ZNF169: variants seen among roughly 807,000 people sequenced by gnomAD.
ZNF169 encodes zinc finger protein 169.
Under a neutral mutation model 12.0 loss-of-function variants are expected in ZNF169, and 11 were observed. The ratio of observed to expected loss-of-function variants is 0.92; its 90% confidence interval spans 0.58 to 1.52. The LOEUF is 1.52. Ranked by LOEUF, ZNF169 falls within the 40% of genes most tolerant of loss-of-function variation. ZNF169 has a pLI of 0.00. For missense variants in ZNF169, 722 were observed against 744.0 expected, an observed-to-expected ratio of 0.97 and a Z score of 0.34; for synonymous variants, 302 against 286.5, an observed-to-expected ratio of 1.05 and a Z score of -0.55.
Position 94,267,596 on chromosome 9 carries a change from T to C in ZNF169, c.-56+8251T>C, listed in dbSNP as rs115039930. ...ACACTTAATTGTTAAAAGCTGTTAA[T>C]AGCTCAGAAGAAAAGTTTCCTTGAC... is the stretch of plus-strand genomic sequence containing the variant. On this transcript the variant is annotated intron_variant, in intron 1 of 4. Transcript: ENST00000395395. Among the ~76,000 whole-genome samples, 652 of 152,322 alleles carry C rather than the reference T, an allele frequency of 4.3e-3. 5 individuals are homozygous for C. The highest frequency in any genetic ancestry group is 0.015 in the African/African-American group (629 of 41,572).
intron 2 of ZNF169, among the ~76,000 whole-genome samples, chr9:94,280,303 A>G (rs1830604868): frequency 6.6e-6 from 1 of 152,162 alleles, no homozygotes; most frequent in Non-Finnish European, 1.5e-5. Flanking sequence ...ATTTTTTTCC[A>G]AGGTAGCAGG....
At chr9:94,297,659 C>T (rs770081730) in intron 4 of ZNF169, among the ~76,000 whole-genome samples, 5 of 152,202 alleles carry the variant, frequency 3.3e-5, no homozygotes, top group South Asian at 2.1e-4. Context: ...ATAAGAAATA[C>T]GTATTTTGTG....
rs1225362273 is a variant in ZNF169 at position 94,300,594 on chromosome 9, T to C, written c.1036T>C (p.Phe346Leu). The C allele has an allele frequency of 6.2e-7, 1 of 1,613,958 alleles. No homozygotes were observed. Among genetic ancestry groups the C allele is most frequent in the Admixed American group, 1.7e-5 (1 of 60,004 alleles). Residue 346 changes from phenylalanine to leucine, a missense_variant, in exon 5 of 5, where the codon TTC (phenylalanine) becomes CTC (leucine). Transcript: ENST00000395395. ...HQRTHLEEKP[F>L]VCPECGRGFC... ...GAGGACGCACTTGGAGGAGAAGCCCTTCGTGTGTCCTGAGTGTGGGAGAGG... is the reference window on the plus strand; with the variant it reads ...GAGGACGCACTTGGAGGAGAAGCCCCTCGTGTGTCCTGAGTGTGGGAGAGG...
chr9:94,260,792 T>G, intron 1 of ZNF169, among the ~76,000 whole-genome samples: 1 of 144,896 alleles, frequency 6.9e-6, no homozygotes, highest in Admixed American at 7.0e-5. Context: ...AGAAGTTGGG[T>G]GGAAGGCATC....
intron 1 of ZNF169, among the ~76,000 whole-genome samples, chr9:94,272,697 A>G (rs2118571990): frequency 6.6e-6 from 1 of 152,292 alleles, no homozygotes; most frequent in Non-Finnish European, 1.5e-5. Flanking sequence ...TTGAATGGAT[A>G]CATCTGCTTC....
At chr9:94,260,039 G>A (rs1419691554) in intron 1 of ZNF169, among the ~76,000 whole-genome samples, 1 of 151,580 alleles carries the variant, frequency 6.6e-6, no homozygotes. Flanking sequence ...AGCCTCCCGA[G>A]CAGCTGGGAT....
At chr9:94,297,004 A>G (rs1292992143) in intron 4 of ZNF169, among the ~76,000 whole-genome samples, 2 of 152,102 alleles carry the variant, frequency 1.3e-5, no homozygotes, top group African/African-American at 4.8e-5. Context: ...CCGAGATCAC[A>G]CTATTGCACT....
chr9:94,280,267 T>C (rs935455961), intron 2 of ZNF169, among the ~76,000 whole-genome samples: 1 of 152,182 alleles, frequency 6.6e-6, no homozygotes, highest in Non-Finnish European at 1.5e-5. Flanking sequence ...TGAGAGAAAA[T>C]GTGTATGTAG....
intron 1 of ZNF169, among the ~76,000 whole-genome samples, chr9:94,269,573 G>C (rs1173576491): frequency 6.6e-6 from 1 of 152,122 alleles, no homozygotes; most frequent in Non-Finnish European, 1.5e-5. Flanking sequence ...TTATCTCCTG[G>C]CTAGCTCACC....
chr9:94,279,588 C>T (rs1221718617), intron 2 of ZNF169, among the ~76,000 whole-genome samples: 5 of 141,242 alleles, frequency 3.5e-5, no homozygotes, highest in East Asian at 2.4e-4. Flanking sequence ...TGCAGTGAGC[C>T]GAGATTGCGC....
chr9:94,297,607 C>A (rs1424458685), intron 4 of ZNF169, among the ~76,000 whole-genome samples: 1 of 152,092 alleles, frequency 6.6e-6, no homozygotes, highest in Non-Finnish European at 1.5e-5. Flanking sequence ...TGACTCTAAT[C>A]AATGATACAA....
intron 2 of ZNF169, among the ~76,000 whole-genome samples, chr9:94,283,039 A>ATGG (rs1396228495): frequency 1.3e-5 from 2 of 152,068 alleles, no homozygotes; most frequent in Non-Finnish European, 2.9e-5. Context: ...TTTTTGTCCT[A>ATGG]TGGATTTACC....
At chr9:94,297,896 G>A (rs1276938775) in intron 4 of ZNF169, among the ~76,000 whole-genome samples, 2 of 152,204 alleles carry the variant, frequency 1.3e-5, no homozygotes, top group South Asian at 2.1e-4. Flanking sequence ...GCTGGGCGCG[G>A]TGGCTCACGC....
chr9:94,285,221 A>C (rs563588676), intron 2 of ZNF169, among the ~76,000 whole-genome samples: 1 of 152,228 alleles, frequency 6.6e-6, no homozygotes, highest in Non-Finnish European at 1.5e-5. Context: ...AAAGAATTAG[A>C]ATGCCTCAGC....
chr9:94,269,714 A>G (rs1455169337), intron 1 of ZNF169, among the ~76,000 whole-genome samples: 1 of 152,212 alleles, frequency 6.6e-6, no homozygotes. Flanking sequence ...CCTGGAAATT[A>G]TCACCAGACC....
chr9:94,270,826 AT>A lies in ZNF169; in HGVS notation c.-55-7931del, dbSNP rs1473437579. Among the ~76,000 whole-genome samples, 2 of 18,020 alleles carry A rather than the reference AT, an allele frequency of 1.1e-4. 1 individual carries two copies. Among genetic ancestry groups the A allele is most frequent in the African/African-American group, 2.8e-4 (2 of 7,054 alleles). 11.8% of individuals were successfully genotyped at this position (18,020 alleles called of 152,430 possible). On this transcript the variant is annotated intron_variant, in intron 1 of 4. Coordinates refer to ENST00000395395, the MANE Select transcript of ZNF169 (RefSeq NM_194320.4). ...TATATATTATATTATATAAATATAT[AT>A]AAAATATATATATTATATTATATAA...
intron 1 of ZNF169, among the ~76,000 whole-genome samples, chr9:94,265,003 T>C (rs867265762): frequency 1.3e-5 from 2 of 149,784 alleles, no homozygotes; most frequent in Non-Finnish European, 3.0e-5. Flanking sequence ...GGCTGATGTA[T>C]ATCTCTTTCT....
chr9:94,282,453 G>A (rs1830657035), intron 2 of ZNF169, among the ~76,000 whole-genome samples: 1 of 152,198 alleles, frequency 6.6e-6, no homozygotes, highest in African/African-American at 2.4e-5. Flanking sequence ...GCAAGGCGGG[G>A]ATGACTTGAA....
At chr9:94,299,322 G>A in intron 4 of ZNF169, 1 of 404,538 alleles carries the variant, frequency 2.5e-6, no homozygotes, top group Non-Finnish European at 4.3e-6. Flanking sequence ...CAGCTTATCT[G>A]ATTCGTGGGT....
Sources: gnomAD v4.1 joint callset for allele counts (sites outside exome capture counted in the v4.1 genomes callset) on GRCh38, gnomAD v4.1.1 for gene constraint, MANE v1.5 for transcripts, NCBI Gene and HGNC (gene_info 2026-07-23, HGNC 2026-07-21) for gene names.